SLC12A2: variants seen among roughly 807,000 people sequenced by gnomAD.
The protein encoded by SLC12A2 is solute carrier family 12 member 2.
In SLC12A2, 67 loss-of-function variants were observed where a neutral mutation model predicts 136.3. The observed-to-expected ratio is 0.49, with a 90% CI of 0.40 to 0.60. The LOEUF (loss-of-function observed/expected upper bound fraction) is 0.60. Ranked by LOEUF, SLC12A2 falls within the 20% of genes least tolerant of loss-of-function variation. The pLI is 0.00. For missense variants in SLC12A2, 1,322 were observed against 1,534.7 expected, an observed-to-expected ratio of 0.86 and a Z score of 2.32; for synonymous variants, 619 against 562.9, an observed-to-expected ratio of 1.10 and a Z score of -1.41.
chr5:128,161,512 G>A (rs922821373), intron 16 of SLC12A2, 148 bp from the exon 17 acceptor site: 2 of 409,060 alleles, frequency 4.9e-6, no homozygotes, highest in Non-Finnish European at 8.4e-6. Context: ...GTATTAAAAA[G>A]ACTACATGGA....
chr5:128,103,874 G>A (rs1298617459), intron 1 of SLC12A2, among the ~76,000 whole-genome samples: 2 of 152,100 alleles, frequency 1.3e-5, no homozygotes, highest in East Asian at 1.9e-4. Flanking sequence ...AGAGTTTGGG[G>A]TATTATAAAA....
At chr5:128,091,841 T>C (rs10067555) in intron 1 of SLC12A2, among the ~76,000 whole-genome samples, 70,908 of 152,078 alleles carry the variant, frequency 0.47, 17,982 homozygotes, top group Non-Finnish European at 0.56. Flanking sequence ...TTCCCTGCCT[T>C]AATTTTTAAA....
intron 1 of SLC12A2, among the ~76,000 whole-genome samples, chr5:128,108,903 A>G (rs1215065336): frequency 1.3e-5 from 2 of 152,204 alleles, no homozygotes; most frequent in Non-Finnish European, 2.9e-5. Flanking sequence ...CATCCTTTTT[A>G]TAGTACAGTA....
At chr5:128,150,810 T>G (rs983506301) in intron 13 of SLC12A2, among the ~76,000 whole-genome samples, 1 of 151,922 alleles carries the variant, frequency 6.6e-6, no homozygotes, top group African/African-American at 2.4e-5. Context: ...ATGATTTTTA[T>G]GAACATTTTG....
chr5:128,140,290 C>T (rs755862233), intron 9 of SLC12A2, among the ~76,000 whole-genome samples: 20 of 152,220 alleles, frequency 1.3e-4, no homozygotes, highest in East Asian at 3.9e-4. Context: ...TGAGCCACCG[C>T]GCCCAGCCTG....
intron 6 of SLC12A2, 93 bp downstream of exon 6, chr5:128,134,368 G>A (rs2126702341): frequency 1.4e-6 from 1 of 699,938 alleles, no homozygotes; most frequent in East Asian, 2.5e-5. Flanking sequence ...AATATTTCCA[G>A]ATTCTAATGG....
At chr5:128,138,560 T>C in intron 7 of SLC12A2, 37 bp from the exon 8 acceptor site, 3 of 1,579,182 alleles carry the variant, frequency 1.9e-6, no homozygotes, top group Non-Finnish European at 2.6e-6. Flanking sequence ...TCTAATTTGC[T>C]CTCCATTAAT....
chr5:128,132,648 G>A (rs935776798), intron 5 of SLC12A2, among the ~76,000 whole-genome samples: 7 of 152,104 alleles, frequency 4.6e-5, no homozygotes, highest in Non-Finnish European at 1.0e-4. Flanking sequence ...AGGTTAGGTT[G>A]TAACTATTCT....
chr5:128,095,184 G>GT (rs1192835553), intron 1 of SLC12A2, among the ~76,000 whole-genome samples: 2 of 152,094 alleles, frequency 1.3e-5, no homozygotes, highest in African/African-American at 4.8e-5. Context: ...AGTGGAATCT[G>GT]TTTTCTTTGT....
chr5:128,152,941 G>A (rs897518053), intron 15 of SLC12A2, 136 bp downstream of exon 15: 8 of 603,942 alleles, frequency 1.3e-5, no homozygotes, highest in Admixed American at 5.9e-5. Context: ...GAACAAAATT[G>A]TACAAAGAAA....
At chr5:128,110,104 A>G in intron 1 of SLC12A2, 1 of 944,294 alleles carries the variant, frequency 1.1e-6, no homozygotes, top group Non-Finnish European at 1.8e-6. Flanking sequence ...CATGGTGAAC[A>G]TGTAGGTTTT....
intron 23 of SLC12A2, among the ~76,000 whole-genome samples, chr5:128,181,620 T>C (rs1763709525): frequency 6.6e-6 from 1 of 152,176 alleles, no homozygotes; most frequent in South Asian, 2.1e-4. Flanking sequence ...TTTGACCATA[T>C]GATTCCTCTA....
At position 128,174,545 on chromosome 5, in the gene SLC12A2, A is replaced by C. The variant is rs756173479; in HGVS notation, c.2808A>C (p.Glu936Asp). The change falls in exon 20 of 27, where the codon GAA (glutamate) becomes GAC (aspartate). Residue 936 changes from glutamate (E) to aspartate (D), a missense_variant. Physicochemically the swap from Glu to Asp is conservative, Grantham distance 45. Around this residue, in one of 8 missense-constraint regions of SLC12A2, gnomAD observed 226 missense variants for 210.4 expected, o/e 1.07. Transcript: ENST00000262461. The part of the protein sequence containing the change: ...LDISHLQGQE[E>D]LLSSQEKSPG... ...TAAATAATTTTCTGTCTACAGAAGA[A>C]TTATTGTCATCACAAGAGAAATCTC... 5 of 1,602,242 alleles carry C rather than the reference A, an allele frequency of 3.1e-6. No individual in the cohort carries two copies. Among genetic ancestry groups the C allele is most frequent in the Non-Finnish European group, 4.3e-6 (5 of 1,173,350 alleles).
intron 5 of SLC12A2, among the ~76,000 whole-genome samples, chr5:128,132,687 T>C (rs1012761797): frequency 2.0e-5 from 3 of 152,192 alleles, no homozygotes; most frequent in African/African-American, 4.8e-5. Flanking sequence ...TAAGGAAGTA[T>C]AAAATCTGAC....
chr5:128,121,469 C>T (rs1238378120), intron 4 of SLC12A2, among the ~76,000 whole-genome samples: 4 of 151,880 alleles, frequency 2.6e-5, no homozygotes, highest in Non-Finnish European at 5.9e-5. Flanking sequence ...ACTACAGGTA[C>T]CTGCCACCAC....
At chr5:128,149,952 A>T in intron 12 of SLC12A2, 45 bp from the exon 13 acceptor site, 1 of 1,275,974 alleles carries the variant, frequency 7.8e-7, no homozygotes, top group Non-Finnish European at 1.1e-6. Flanking sequence ...TTAAAAAGTT[A>T]AATGTCTAAT....
At chr5:128,172,734 G>C (rs1763417546) in intron 19 of SLC12A2, among the ~76,000 whole-genome samples, 1 of 152,210 alleles carries the variant, frequency 6.6e-6, no homozygotes, top group Non-Finnish European at 1.5e-5. Context: ...GCTGAGGTGG[G>C]TGGATGACCA....
intron 25 of SLC12A2, 30 bp downstream of exon 25, chr5:128,184,531 C>G: frequency 6.5e-7 from 1 of 1,537,116 alleles, no homozygotes; most frequent in African/African-American, 1.4e-5. Context: ...TTTCATTAAT[C>G]TTTTATATAA....
In SLC12A2 at chr5:128,187,231, A is replaced by T. The variant is rs1763897005; in HGVS notation, c.*600A>T. Reference sequence around the variant, plus strand: ...GAAATGGTAACCAAAAAGTAACCCCATGGTAAGGTTTATATGAGTATATGT... The same window carrying T: ...GAAATGGTAACCAAAAAGTAACCCCTTGGTAAGGTTTATATGAGTATATGT... On this transcript the variant is annotated 3_prime_UTR_variant, in exon 27 of 27. Coordinates refer to ENST00000262461, the MANE Select transcript of SLC12A2 (RefSeq NM_001046.3). 6.5e-6 allele frequency: 1 copy of T among 152,720 alleles called. No homozygotes were observed. Among genetic ancestry groups the T allele is most frequent in the Non-Finnish European group, 1.5e-5 (1 of 68,156 alleles). The allele number at this position is 152,720 out of a possible 1,614,324, so 9.5% of individuals were successfully genotyped here. A position where few individuals can be genotyped will look rare whatever the true frequency, so the allele number is the denominator to read the frequency against.
Sources: gnomAD v4.1 joint callset for allele counts (sites outside exome capture counted in the v4.1 genomes callset) on GRCh38, gnomAD v4.1.1 for gene constraint, gnomAD v4.1.1 regional missense constraint, MANE v1.5 for transcripts, NCBI Gene and HGNC (gene_info 2026-07-23, HGNC 2026-07-21) for gene names.